RMDN2: variants seen among roughly 807,000 people sequenced by gnomAD.
RMDN2 encodes the protein regulator of microtubule dynamics protein 2.
Under a neutral mutation model 52.8 loss-of-function variants are expected in RMDN2, and 61 were observed. That is an observed-to-expected ratio of 1.16 (90% CI 0.94 to 1.43). The LOEUF (loss-of-function observed/expected upper bound fraction) is 1.43, where lower values mean the gene tolerates loss of function less well. Ranked by LOEUF, RMDN2 falls within the 40% of genes most tolerant of loss-of-function variation. The probability of loss-of-function intolerance (pLI) is 0.00; values close to 1 mark genes in which losing one functional copy is unlikely to be tolerated. For missense variants in RMDN2, 592 were observed against 475.3 expected (o/e 1.25, Z -2.28); for synonymous variants, 180 against 153.1 (o/e 1.18, Z -1.30).
chr2:37,986,082 G>A (rs1004511216), intron 5 of RMDN2, among the ~76,000 whole-genome samples: 2 of 152,084 alleles, frequency 1.3e-5, no homozygotes, highest in African/African-American at 2.4e-5. Context: ...TAAATAGAAA[G>A]TGGCCTAAAG....
chr2:37,946,842 A>G (rs940863832), intron 2 of RMDN2, among the ~76,000 whole-genome samples: 18 of 152,280 alleles, frequency 1.2e-4, no homozygotes, highest in Admixed American at 3.9e-4. Flanking sequence ...TGTGGAGAGT[A>G]TAGAGAAGAA....
chr2:38,018,753 A>AT (rs1425135328), downstream of RMDN2, among the ~76,000 whole-genome samples: 1 of 152,176 alleles, frequency 6.6e-6, no homozygotes, highest in Non-Finnish European at 1.5e-5. Context: ...AAATAAAGTG[A>AT]TTTTTTTAGG....
chr2:37,937,377 A>G (rs1667396368), intron 2 of RMDN2, among the ~76,000 whole-genome samples: 2 of 152,132 alleles, frequency 1.3e-5, no homozygotes, highest in Admixed American at 6.5e-5. Context: ...TTGGCTATAC[A>G]GGTTCCTTTT....
At chr2:37,988,525 A>G (rs1401692305) in intron 5 of RMDN2, among the ~76,000 whole-genome samples, 2 of 152,202 alleles carry the variant, frequency 1.3e-5, no homozygotes, top group Non-Finnish European at 2.9e-5. Context: ...TGTGGTATGA[A>G]TTAAGTTATC....
chr2:38,063,429 G>C (rs1322871905), intron 10 of RMDN2, among the ~76,000 whole-genome samples: 1 of 152,108 alleles, frequency 6.6e-6, no homozygotes, highest in Non-Finnish European at 1.5e-5. Context: ...TTAAATGTTA[G>C]ACCTAAAACC....
At chr2:37,972,299 G>C (rs1172569254) in intron 2 of RMDN2, among the ~76,000 whole-genome samples, 1 of 151,924 alleles carries the variant, frequency 6.6e-6, no homozygotes, top group African/African-American at 2.4e-5. Context: ...GATTACATTT[G>C]AACAAAGATA....
chr2:38,031,545 T>A (rs1680206535), intron 10 of RMDN2, among the ~76,000 whole-genome samples: 1 of 152,172 alleles, frequency 6.6e-6, no homozygotes, highest in African/African-American at 2.4e-5. Context: ...GATTATGATC[T>A]ACCTAACTGT....
At chr2:38,063,019 G>T (rs369036792) in intron 10 of RMDN2, among the ~76,000 whole-genome samples, 2 of 152,036 alleles carry the variant, frequency 1.3e-5, no homozygotes, top group Admixed American at 6.5e-5. Flanking sequence ...GTCTATCGTT[G>T]TTGGACATTT....
chr2:38,066,681 C>T (rs929716132), intron 10 of RMDN2, among the ~76,000 whole-genome samples: 7 of 152,178 alleles, frequency 4.6e-5, no homozygotes, highest in Admixed American at 1.3e-4. Flanking sequence ...CCCTGTACTC[C>T]GGTCTTATAC....
At chr2:37,933,894 G>T (rs958894706) in intron 2 of RMDN2, among the ~76,000 whole-genome samples, 1 of 152,142 alleles carries the variant, frequency 6.6e-6, no homozygotes, top group African/African-American at 2.4e-5. Context: ...ATATTTTTCA[G>T]AAACAAGGTT....
At chr2:38,026,088 G>T (rs1286984008) in intron 10 of RMDN2, among the ~76,000 whole-genome samples, 2 of 152,044 alleles carry the variant, frequency 1.3e-5, no homozygotes, top group African/African-American at 2.4e-5. Flanking sequence ...AGTTTTCTTT[G>T]TTGGGGGAAG....
intron 10 of RMDN2, among the ~76,000 whole-genome samples, chr2:38,050,446 A>G (rs141882409): frequency 3.3e-5 from 5 of 152,272 alleles, no homozygotes; most frequent in African/African-American, 1.2e-4. Flanking sequence ...AAAGCAAACA[A>G]TGTCACTAGC....
At chr2:38,050,837 C>A (rs755096522) in intron 10 of RMDN2, among the ~76,000 whole-genome samples, 1 of 152,240 alleles carries the variant, frequency 6.6e-6, no homozygotes, top group Non-Finnish European at 1.5e-5. Flanking sequence ...CAGCTCACTG[C>A]AGCCTCCGCC....
At chr2:38,054,621 G>A (rs59180315) in intron 10 of RMDN2, among the ~76,000 whole-genome samples, 8 of 152,042 alleles carry the variant, frequency 5.3e-5, no homozygotes, top group African/African-American at 9.7e-5. Flanking sequence ...GTCCCCTCCC[G>A]TGTGCTTTGT....
At chr2:38,015,344 A>G (rs552660602) in intron 10 of RMDN2, among the ~76,000 whole-genome samples, 1 of 152,270 alleles carries the variant, frequency 6.6e-6, no homozygotes, top group African/African-American at 2.4e-5. Context: ...AGGCGTGCAG[A>G]TCATTAGGTC....
intron 8 of RMDN2, among the ~76,000 whole-genome samples, chr2:38,002,422 G>A (rs79283009): frequency 0.16 from 24,139 of 152,062 alleles, 1,999 homozygotes; most frequent in Non-Finnish European, 0.17. Context: ...TACAGCTATT[G>A]AAAATGATGA....
chr2:38,051,005 C>T (rs942582915), intron 10 of RMDN2, among the ~76,000 whole-genome samples: 2 of 152,116 alleles, frequency 1.3e-5, no homozygotes, highest in African/African-American at 4.8e-5. Flanking sequence ...TCAGGTGATC[C>T]GCCCATCTCA....
intron 10 of RMDN2, among the ~76,000 whole-genome samples, chr2:38,029,094 A>G (rs1311885379): frequency 6.6e-6 from 1 of 152,106 alleles, no homozygotes; most frequent in Non-Finnish European, 1.5e-5. Flanking sequence ...TTCTTTCACA[A>G]GGCCTACAGT....
intron 10 of RMDN2, among the ~76,000 whole-genome samples, chr2:38,009,225 G>T (rs545839583): frequency 1.3e-5 from 2 of 152,154 alleles, no homozygotes; most frequent in African/African-American, 4.8e-5. Context: ...GGCGTTCTCT[G>T]TATTTCCTGA....
Sources: gnomAD v4.1 joint callset for allele counts (sites outside exome capture counted in the v4.1 genomes callset) on GRCh38, gnomAD v4.1.1 for gene constraint, MANE v1.5 for transcripts, NCBI Gene and HGNC (gene_info 2026-07-23, HGNC 2026-07-21) for gene names.